GPC6: variants seen among roughly 807,000 people sequenced by gnomAD.
GPC6 encodes the protein glypican-6.
GPC6 carries 14 observed loss-of-function variants against 55.2 expected under a neutral mutation model. The observed-to-expected ratio is 0.25, with a 90% confidence interval of 0.17 to 0.40. GPC6 has a LOEUF of 0.40. GPC6 is among the 10% of genes least tolerant of loss of function. GPC6 has a pLI of 1.00. For synonymous variants in GPC6, 278 were observed against 259.6 expected (o/e 1.07, Z -0.68); for missense variants, 641 against 708.5 (o/e 0.90, Z 1.08).
intron 3 of GPC6, among the ~76,000 whole-genome samples, chr13:94,011,541 A>T (rs118005698): frequency 0.014 from 2,137 of 152,300 alleles, 24 homozygotes; most frequent in Admixed American, 0.023. Context: ...CCACATGCCC[A>T]GTAATCCTAC....
At chr13:93,916,336 G>A (rs1877292381) in intron 3 of GPC6, among the ~76,000 whole-genome samples, 1 of 152,118 alleles carries the variant, frequency 6.6e-6, no homozygotes, top group Non-Finnish European at 1.5e-5. Context: ...ACTTCTTGCT[G>A]CTTTTTGGTT....
rs1449693485 is a variant in GPC6 at position 93,227,748 on chromosome 13, G to A, written c.160+132G>A. The A allele has an allele frequency of 1.5e-6, 1 of 688,254 alleles. No individual in the cohort carries two copies. The highest frequency in any genetic ancestry group is 2.8e-5 in the East Asian group (1 of 35,732). 42.6% of individuals were successfully genotyped at this position (688,254 alleles called of 1,614,324 possible). A position where few individuals can be genotyped will look rare whatever the true frequency, so the allele number is the denominator to read the frequency against. On this transcript the variant is annotated intron_variant, in intron 1 of 8. Coordinates refer to ENST00000377047, the MANE Select transcript of GPC6 (RefSeq NM_005708.5). This position sits in a 1 kb window ranked among gnomAD's most constrained non-coding sequence, Gnocchi z 4.3. Reference sequence around the variant, plus strand: ...CTTTCTGCCACCGCTATGGGACTCCGCGTCTCCGTGTTGGGCGGCGGATGC... The same window carrying A: ...CTTTCTGCCACCGCTATGGGACTCCACGTCTCCGTGTTGGGCGGCGGATGC...
intron 4 of GPC6, among the ~76,000 whole-genome samples, chr13:94,252,668 G>T (rs1387496905): frequency 6.6e-6 from 1 of 152,042 alleles, no homozygotes; most frequent in Admixed American, 6.6e-5. Context: ...TAATCATGAG[G>T]ATAGCTTATA....
At chr13:93,252,586 T>G (rs1876823511) in intron 1 of GPC6, among the ~76,000 whole-genome samples, 1 of 152,222 alleles carries the variant, frequency 6.6e-6, no homozygotes, top group Non-Finnish European at 1.5e-5. Context: ...CAAGCTTGTA[T>G]AGTGTTTGTC....
At chr13:94,106,714 G>C (rs1886066746) in intron 4 of GPC6, among the ~76,000 whole-genome samples, 2 of 152,120 alleles carry the variant, frequency 1.3e-5, no homozygotes, top group Admixed American at 1.3e-4. Context: ...ATTTTAAAAT[G>C]CAGAGATACT....
chr13:94,265,641 G>A (rs952402533), intron 4 of GPC6, among the ~76,000 whole-genome samples: 1 of 152,174 alleles, frequency 6.6e-6, no homozygotes, highest in African/African-American at 2.4e-5. Flanking sequence ...AGGTGAAAGC[G>A]AGAAGGGAGA....
chr13:93,356,982 C>T (rs1880869435), intron 1 of GPC6, among the ~76,000 whole-genome samples: 1 of 152,186 alleles, frequency 6.6e-6, no homozygotes, highest in Non-Finnish European at 1.5e-5. Flanking sequence ...TCTATAGAGG[C>T]TTCTGAGTGC....
At chr13:94,268,247 A>G (rs142295769) in intron 4 of GPC6, among the ~76,000 whole-genome samples, 91 of 152,348 alleles carry the variant, frequency 6.0e-4, no homozygotes, top group African/African-American at 2.1e-3. Flanking sequence ...AATTTATTGA[A>G]TATTTACATG....
chr13:94,101,638 C>T (rs1021481353), intron 4 of GPC6, among the ~76,000 whole-genome samples: 1 of 152,096 alleles, frequency 6.6e-6, no homozygotes, highest in Admixed American at 6.6e-5. Context: ...TTGAATAATG[C>T]AGGGAAAGAA....
At chr13:94,330,527 C>A (rs1202287415) in intron 6 of GPC6, among the ~76,000 whole-genome samples, 1 of 152,118 alleles carries the variant, frequency 6.6e-6, no homozygotes, top group Non-Finnish European at 1.5e-5. Flanking sequence ...TTCCCCAAGT[C>A]CTTGTTTATC....
intron 4 of GPC6, among the ~76,000 whole-genome samples, chr13:94,270,720 T>G (rs570884686): frequency 6.6e-6 from 1 of 152,226 alleles, no homozygotes; most frequent in South Asian, 2.1e-4. Context: ...ACTTTGTCGC[T>G]AGGGGGAAGT....
intron 6 of GPC6, among the ~76,000 whole-genome samples, chr13:94,333,295 A>C (rs1877518984): frequency 6.6e-6 from 1 of 152,238 alleles, no homozygotes; most frequent in Admixed American, 6.5e-5. Context: ...AGTCATGGCC[A>C]TAAATCTCAC....
chr13:94,352,930 G>C (rs939012928), intron 6 of GPC6, among the ~76,000 whole-genome samples: 1 of 152,154 alleles, frequency 6.6e-6, no homozygotes, highest in African/African-American at 2.4e-5. Flanking sequence ...GGTGGAATCT[G>C]CTTAGTATCT....
intron 6 of GPC6, among the ~76,000 whole-genome samples, chr13:94,322,096 A>G (rs889596820): frequency 1.3e-5 from 2 of 152,136 alleles, no homozygotes; most frequent in African/African-American, 4.8e-5. Flanking sequence ...GTGTTGTGGG[A>G]GGGACCCGGT....
At chr13:93,928,856 T>TACACACACACACAC (rs10642875) in intron 3 of GPC6, among the ~76,000 whole-genome samples, 29 of 143,000 alleles carry the variant, frequency 2.0e-4, no homozygotes, top group African/African-American at 6.8e-4. Flanking sequence ...CCCTGTGTGT[T>TACACACACACACAC]ACACACACAC....
intron 1 of GPC6, among the ~76,000 whole-genome samples, chr13:93,292,939 C>A (rs1029140123): frequency 6.6e-6 from 1 of 152,114 alleles, no homozygotes; most frequent in African/African-American, 2.4e-5. Context: ...ATATTTAAAC[C>A]TTATCTTTGG....
intron 1 of GPC6, among the ~76,000 whole-genome samples, chr13:93,514,254 A>C (rs1379577247): frequency 6.6e-6 from 1 of 152,084 alleles, no homozygotes; most frequent in Non-Finnish European, 1.5e-5. Flanking sequence ...GTGTGGCAGG[A>C]GGGAAGCCAT....
chr13:93,851,444 T>A lies in GPC6; in HGVS notation c.711+20899T>A, dbSNP rs534046577. 3.3e-5 allele frequency among the ~76,000 whole-genome samples: 5 copies of A among 151,992 alleles called. No homozygotes were observed. In the South Asian group the frequency reaches 1.0e-3, roughly 31 times the overall value. Reference sequence around the variant, plus strand: ...CATAGCACTTTGTTAGAGGGCACAGTGCCATCTAACAGTCAGGGAAGAATA... The same window carrying A: ...CATAGCACTTTGTTAGAGGGCACAGAGCCATCTAACAGTCAGGGAAGAATA... On this transcript the variant is annotated intron_variant, in intron 3 of 8. Coordinates refer to ENST00000377047, the MANE Select transcript of GPC6 (RefSeq NM_005708.5).
Position 93,227,104 on chromosome 13 carries a change from T to C in GPC6, c.-353T>C. On this transcript the variant is annotated 5_prime_UTR_variant, in exon 1 of 9. Coordinates refer to ENST00000377047, the MANE Select transcript of GPC6 (RefSeq NM_005708.5). The surrounding 1 kb of genome is among the most constrained non-coding windows in gnomAD (Gnocchi z 4.3). ...AGCCGAGCCCGCAGCGCTCCAGGAT[T>C]CTGCGGCTCGGAACTCGGATTGCAG... 1 of 177,190 alleles carries C rather than the reference T, an allele frequency of 5.6e-6. No individual in the cohort carries two copies. The highest frequency in any genetic ancestry group is 1.2e-5 in the Non-Finnish European group (1 of 84,106). 11.0% of individuals were successfully genotyped at this position (177,190 alleles called of 1,614,324 possible).
Sources: gnomAD v4.1 joint callset for allele counts (sites outside exome capture counted in the v4.1 genomes callset) on GRCh38, gnomAD v4.1.1 for gene constraint, Gnocchi (gnomAD v3.1) non-coding constraint, MANE v1.5 for transcripts, NCBI Gene and HGNC (gene_info 2026-07-23, HGNC 2026-07-21) for gene names.